The following KCNT2 variants were observed in gnomAD, a reference collection of about 807,000 sequenced individuals.
The protein encoded by KCNT2 is potassium sodium-activated channel subfamily T member 2.
KCNT2 carries 67 observed loss-of-function variants against 153.8 expected under a neutral mutation model. The observed-to-expected ratio is 0.44, with a 90% CI of 0.36 to 0.53. The LOEUF is 0.53. Ranked by LOEUF, KCNT2 falls within the 20% of genes least tolerant of loss-of-function variation. KCNT2 has a pLI of 0.00. For synonymous variants in KCNT2, 500 were observed against 458.8 expected, an observed-to-expected ratio of 1.09 and a Z score of -1.15; for missense variants, 975 against 1,354.8, an observed-to-expected ratio of 0.72 and a Z score of 4.40.
intron 13 of KCNT2, among the ~76,000 whole-genome samples, chr1:196,375,784 C>A (rs1325233805): frequency 1.3e-5 from 2 of 151,500 alleles, no homozygotes; most frequent in Admixed American, 6.6e-5. Context: ...AGAAAATAAC[C>A]ATTTTTAGAT....
At chr1:196,424,733 T>C (rs1029194846) in intron 11 of KCNT2, among the ~76,000 whole-genome samples, 2 of 151,880 alleles carry the variant, frequency 1.3e-5, no homozygotes, top group Admixed American at 1.3e-4. Flanking sequence ...TTATTATATA[T>C]AAATCAAAGG....
chr1:196,392,211 T>C (rs1241603394), intron 13 of KCNT2, among the ~76,000 whole-genome samples: 1 of 151,266 alleles, frequency 6.6e-6, no homozygotes, highest in African/African-American at 2.4e-5. Context: ...TGTGTAACTG[T>C]TTTAAACAGT....
chr1:196,533,487 T>C (rs1309354538), intron 1 of KCNT2, among the ~76,000 whole-genome samples: 3 of 152,138 alleles, frequency 2.0e-5, no homozygotes, highest in Non-Finnish European at 4.4e-5. Context: ...GCAGCACTCT[T>C]ACAAACCAAA....
At position 196,373,178 on chromosome 1, in the gene KCNT2, A is replaced by C. The variant is rs376330168; in HGVS notation, c.1365T>G (p.Ser455=). 42 of 1,583,210 alleles carry C rather than the reference A, an allele frequency of 2.7e-5. No homozygotes were observed. Among genetic ancestry groups the C allele is most frequent in the Non-Finnish European group, 6.9e-6 (8 of 1,152,914 alleles). The part of the protein sequence containing the change: ...LALNCICPAT[S]TLITLLVHTS... ...TATGAACCAGTAGTGTAATAAGTGTAGATGTTGCTGGGCATATACAGTTTA... is the reference window on the plus strand; with the variant it reads ...TATGAACCAGTAGTGTAATAAGTGTCGATGTTGCTGGGCATATACAGTTTA... The change falls in exon 14 of 28, where the codon TCT becomes TCG. Residue 455 remains serine (S), a synonymous_variant. Coordinates refer to ENST00000294725, the MANE Select transcript of KCNT2 (RefSeq NM_198503.5).
At chr1:196,412,021 G>T (rs930207611) in intron 12 of KCNT2, among the ~76,000 whole-genome samples, 2 of 151,696 alleles carry the variant, frequency 1.3e-5, no homozygotes, top group East Asian at 3.9e-4. Flanking sequence ...GCATTCCAAG[G>T]ATAAATTATA....
chr1:196,350,002 C>T (rs1173465013), intron 14 of KCNT2, among the ~76,000 whole-genome samples: 1 of 152,086 alleles, frequency 6.6e-6, no homozygotes, highest in African/African-American at 2.4e-5. Flanking sequence ...ATGATAATTT[C>T]CAATTTCATC....
intron 14 of KCNT2, among the ~76,000 whole-genome samples, chr1:196,354,917 G>T (rs1367635775): frequency 6.6e-6 from 1 of 151,494 alleles, no homozygotes; most frequent in Non-Finnish European, 1.5e-5. Context: ...ATATTTAAAT[G>T]GTATTACAAT....
chr1:196,579,458 G>C (rs904131315), intron 1 of KCNT2, among the ~76,000 whole-genome samples: 2 of 151,638 alleles, frequency 1.3e-5, no homozygotes, highest in African/African-American at 4.8e-5. Flanking sequence ...ACATGCACAT[G>C]TACCCCTAAA....
chr1:196,273,996 A>G (rs975469322), intron 25 of KCNT2, among the ~76,000 whole-genome samples: 8 of 151,836 alleles, frequency 5.3e-5, no homozygotes, highest in South Asian at 2.1e-4. Context: ...AGAATACTTG[A>G]TATAATTATT....
At chr1:196,269,918 T>C (rs1657909085) in intron 25 of KCNT2, among the ~76,000 whole-genome samples, 2 of 152,222 alleles carry the variant, frequency 1.3e-5, no homozygotes, top group South Asian at 4.1e-4. Flanking sequence ...AGTTGTGGTG[T>C]TCAGAAATTT....
intron 22 of KCNT2, among the ~76,000 whole-genome samples, chr1:196,294,920 T>C (rs1660544358): frequency 6.6e-6 from 1 of 151,810 alleles, no homozygotes; most frequent in Non-Finnish European, 1.5e-5. Flanking sequence ...TAAGGGGATG[T>C]TGATCAAAAG....
chr1:196,345,010 A>G (rs61820888), intron 14 of KCNT2, among the ~76,000 whole-genome samples: 9,332 of 152,206 alleles, frequency 0.061, 390 homozygotes, highest in Non-Finnish European at 0.096. Context: ...CATCAATATT[A>G]CATCTAATGC....
intron 8 of KCNT2, among the ~76,000 whole-genome samples, chr1:196,432,531 T>C (rs1321247020): frequency 6.6e-6 from 1 of 152,122 alleles, no homozygotes; most frequent in Non-Finnish European, 1.5e-5. Flanking sequence ...AGTCAAGACA[T>C]GGAGTCAAAA....
At chr1:196,516,737 C>A (rs1371705982) in intron 1 of KCNT2, among the ~76,000 whole-genome samples, 1 of 152,186 alleles carries the variant, frequency 6.6e-6, no homozygotes, top group Non-Finnish European at 1.5e-5. Context: ...GGGCTGGCAA[C>A]AGGGACAGAG....
At chr1:196,523,818 A>T (rs977495483) in intron 1 of KCNT2, among the ~76,000 whole-genome samples, 2 of 152,236 alleles carry the variant, frequency 1.3e-5, no homozygotes, top group Non-Finnish European at 2.9e-5. Context: ...TTTGAGTCTT[A>T]AAGAAAATGT....
intron 26 of KCNT2, among the ~76,000 whole-genome samples, chr1:196,247,085 T>G (rs568567627): frequency 6.6e-6 from 1 of 151,796 alleles, no homozygotes; most frequent in Non-Finnish European, 1.5e-5. Context: ...AAAAAAGGTA[T>G]GGAAAAAGAC....
intron 3 of KCNT2, among the ~76,000 whole-genome samples, chr1:196,489,238 G>A (rs565844215): frequency 5.9e-5 from 9 of 152,074 alleles, no homozygotes; most frequent in African/African-American, 1.9e-4. Context: ...TTTTACTCAT[G>A]TATCCATTCA....
chr1:196,411,274 C>T (rs1043578188), intron 12 of KCNT2, among the ~76,000 whole-genome samples: 23 of 151,002 alleles, frequency 1.5e-4, no homozygotes, highest in African/African-American at 3.4e-4. Flanking sequence ...AGTCTATATG[C>T]GTGTATTTAT....
chr1:196,370,306 A>T (rs186686690), intron 14 of KCNT2, among the ~76,000 whole-genome samples: 2 of 152,252 alleles, frequency 1.3e-5, no homozygotes, highest in East Asian at 3.9e-4. Context: ...ATGAGGAAAA[A>T]AATTGAGAAG....
Sources: allele counts gnomAD v4.1 joint callset (sites outside exome capture counted in the v4.1 genomes callset), GRCh38; gene constraint gnomAD v4.1.1; transcripts MANE v1.5; gene names NCBI Gene and HGNC (gene_info 2026-07-23, HGNC 2026-07-21).